Variants in OR2L13 observed in about 807,000 individuals in gnomAD.
OR2L13 encodes the protein olfactory receptor 2L13.
A neutral mutation model predicts 15.3 loss-of-function variants in OR2L13; 14 were observed. The ratio of observed to expected loss-of-function variants is 0.91; its 90% CI spans 0.60 to 1.43. OR2L13 has a LOEUF of 1.43. OR2L13 is among the 40% of genes most tolerant of loss of function. OR2L13 has a pLI of 0.00. For synonymous variants in OR2L13, 152 were observed against 142.9 expected (o/e 1.06, Z -0.45); for missense variants, 367 against 387.9 (o/e 0.95, Z 0.45).
At chr1:248,088,319 A>G in the OR2L13 span, among the ~76,000 whole-genome samples, 1 of 151,946 alleles carries the variant, frequency 6.6e-6, no homozygotes, top group Non-Finnish European at 1.5e-5. Context: ...CAATGCTTGG[A>G]TAGCCTATAA....
the OR2L13 span, among the ~76,000 whole-genome samples, chr1:248,032,535 G>C: frequency 6.6e-6 from 1 of 151,910 alleles, no homozygotes; most frequent in African/African-American, 2.4e-5. Flanking sequence ...CATCCCCAGG[G>C]GTCCAGCATT....
the OR2L13 span, among the ~76,000 whole-genome samples, chr1:248,058,357 T>C: frequency 6.6e-6 from 1 of 152,132 alleles, no homozygotes; most frequent in Admixed American, 6.6e-5. Flanking sequence ...CAGACCCCCA[T>C]GGATAGTAAC....
At chr1:248,051,591 A>G in the OR2L13 span, among the ~76,000 whole-genome samples, 1 of 152,118 alleles carries the variant, frequency 6.6e-6, no homozygotes, top group Non-Finnish European at 1.5e-5. Flanking sequence ...AAAAGAGGAG[A>G]GTGAGGGAGG....
At chr1:247,979,954 T>G in the OR2L13 span, among the ~76,000 whole-genome samples, 1 of 152,198 alleles carries the variant, frequency 6.6e-6, no homozygotes. Flanking sequence ...TAACATACAC[T>G]TGTATAAAAA....
At chr1:247,977,209 C>A in the OR2L13 span, among the ~76,000 whole-genome samples, 1 of 152,112 alleles carries the variant, frequency 6.6e-6, no homozygotes, top group Non-Finnish European at 1.5e-5. Flanking sequence ...ATTCATACCT[C>A]AAAGCATGTT....
At chr1:247,942,881 C>G in the OR2L13 span, among the ~76,000 whole-genome samples, 1 of 152,246 alleles carries the variant, frequency 6.6e-6, no homozygotes, top group Non-Finnish European at 1.5e-5. Flanking sequence ...CTCTCCTTCT[C>G]TCCCTTCTCC....
At chr1:248,055,734 C>A in the OR2L13 span, 1 of 152,208 alleles carries the variant, frequency 6.6e-6, no homozygotes, top group Non-Finnish European at 1.5e-5. Context: ...GTGACATCAT[C>A]ACCTGGGTGA....
At chr1:248,018,620 A>C in the OR2L13 span, among the ~76,000 whole-genome samples, 2 of 152,348 alleles carry the variant, frequency 1.3e-5, no homozygotes, top group East Asian at 3.9e-4. Context: ...ATTTCAGTAC[A>C]TTTAAATGTT....
the OR2L13 span, among the ~76,000 whole-genome samples, chr1:248,000,219 G>T: frequency 6.6e-6 from 1 of 151,128 alleles, no homozygotes; most frequent in Admixed American, 6.6e-5. Flanking sequence ...ATGAATAATG[G>T]TTTTTCTGTT....
chr1:247,956,976 A>T, the OR2L13 span, among the ~76,000 whole-genome samples: 1 of 152,086 alleles, frequency 6.6e-6, no homozygotes, highest in African/African-American at 2.4e-5. Flanking sequence ...AACTTCCAAC[A>T]CTATGTTGAA....
upstream of OR2L13, among the ~76,000 whole-genome samples, chr1:248,095,900 T>C (rs775820184): frequency 2.0e-5 from 3 of 151,390 alleles, 1 homozygote; most frequent in Admixed American, 6.6e-5. Flanking sequence ...CCACTGCGCC[T>C]GGCCATAAAA....
At chr1:248,009,821 A>G in the OR2L13 span, among the ~76,000 whole-genome samples, 1 of 152,174 alleles carries the variant, frequency 6.6e-6, no homozygotes, top group Admixed American at 6.5e-5. Flanking sequence ...ATCCACCACC[A>G]TCAAGTTGGA....
chr1:247,950,009 T>C, the OR2L13 span, among the ~76,000 whole-genome samples: 1 of 147,070 alleles, frequency 6.8e-6, no homozygotes, highest in Non-Finnish European at 1.5e-5. Context: ...ATTTTGAAAG[T>C]ACATATTTTT....
At chr1:247,996,636 T>C in the OR2L13 span, among the ~76,000 whole-genome samples, 1 of 152,210 alleles carries the variant, frequency 6.6e-6, no homozygotes, top group Non-Finnish European at 1.5e-5. Flanking sequence ...TTTGCATACA[T>C]AACCCTTGTG....
chr1:247,970,863 T>C, the OR2L13 span, among the ~76,000 whole-genome samples: 1 of 152,196 alleles, frequency 6.6e-6, no homozygotes, highest in Non-Finnish European at 1.5e-5. Flanking sequence ...GGAATCTTTA[T>C]GGCTTCATGC....
At chr1:248,038,463 T>A in the OR2L13 span, 1 of 1,613,860 alleles carries the variant, frequency 6.2e-7, no homozygotes, top group Non-Finnish European at 8.5e-7. Context: ...TAGTCAGCTC[T>A]CCCTCATTGA....
At chr1:248,099,210 T>C in intron 2 of OR2L13, 148 bp from the exon 3 acceptor site, 1 of 605,286 alleles carries the variant, frequency 1.7e-6, no homozygotes, top group Non-Finnish European at 2.9e-6. Context: ...GCTTCAGATA[T>C]AGAAATTGAT....
chr1:248,035,824 A>G, the OR2L13 span, among the ~76,000 whole-genome samples: 1 of 152,104 alleles, frequency 6.6e-6, no homozygotes, highest in Non-Finnish European at 1.5e-5. Context: ...TTCTGTCAAC[A>G]TAATTACATT....
the OR2L13 span, among the ~76,000 whole-genome samples, chr1:248,071,018 T>A: frequency 1.2e-4 from 19 of 152,052 alleles, no homozygotes; most frequent in Admixed American, 9.8e-4. Context: ...CAGGACCAGA[T>A]GGATTCACAG....
Sources: gnomAD v4.1 joint callset for allele counts (sites outside exome capture counted in the v4.1 genomes callset) on GRCh38, gnomAD v4.1.1 for gene constraint, MANE v1.5 for transcripts, NCBI Gene and HGNC (gene_info 2026-07-23, HGNC 2026-07-21) for gene names.